The following ZFHX3 variants were observed in gnomAD, a reference collection of about 807,000 sequenced individuals.
The protein encoded by ZFHX3 is zinc finger homeobox 3.
ZFHX3 carries 42 observed loss-of-function variants against 279.1 expected under a neutral mutation model. That is an observed-to-expected ratio of 0.15 (90% CI 0.12 to 0.19). ZFHX3 has a LOEUF of 0.19. Ranked by LOEUF, ZFHX3 falls within the 10% of genes least tolerant of loss-of-function variation. The pLI is 1.00. For synonymous variants in ZFHX3, 2,293 were observed against 1,957.8 expected, an observed-to-expected ratio of 1.17 and a Z score of -4.52; for missense variants, 4,981 against 4,754.0, an observed-to-expected ratio of 1.05 and a Z score of -1.40.
intron 1 of ZFHX3, among the ~76,000 whole-genome samples, chr16:73,030,364 G>T (rs545033034): frequency 6.6e-6 from 1 of 152,352 alleles, no homozygotes; most frequent in East Asian, 1.9e-4. Flanking sequence ...TACCAGATAA[G>T]CAAGGCAAGT....
chr16:72,914,335 T>A (rs1415952856), intron 3 of ZFHX3, among the ~76,000 whole-genome samples: 2 of 152,106 alleles, frequency 1.3e-5, no homozygotes, highest in Non-Finnish European at 2.9e-5. Flanking sequence ...AGGACCTCCC[T>A]CTCTACAAAC....
chr16:72,882,191 T>G (rs1272020483), intron 4 of ZFHX3, among the ~76,000 whole-genome samples: 1 of 86,414 alleles, frequency 1.2e-5, no homozygotes, highest in African/African-American at 4.6e-5. Flanking sequence ...TTTTTTTTTT[T>G]GCTGTGCCAA....
At chr16:73,636,861 C>A (rs2052531340) in intron 2 of ZFHX3, among the ~76,000 whole-genome samples, 1 of 151,850 alleles carries the variant, frequency 6.6e-6, no homozygotes, top group Non-Finnish European at 1.5e-5. Flanking sequence ...AGTATCACTA[C>A]AATAAAAATC....
At chr16:73,231,251 T>C (rs1198317791) in intron 5 of ZFHX3, among the ~76,000 whole-genome samples, 1 of 152,212 alleles carries the variant, frequency 6.6e-6, no homozygotes, top group Admixed American at 6.5e-5. Context: ...AAGAGGCGCT[T>C]GCAGGAGAAA....
intron 4 of ZFHX3, among the ~76,000 whole-genome samples, chr16:73,261,645 T>C (rs1472274709): frequency 1.5e-4 from 22 of 148,280 alleles, no homozygotes; most frequent in Admixed American, 1.2e-3. Context: ...TTCCTTTGTA[T>C]AAATATAAAC....
At chr16:72,899,709 T>C (rs1157919198) in intron 3 of ZFHX3, among the ~76,000 whole-genome samples, 2 of 152,146 alleles carry the variant, frequency 1.3e-5, no homozygotes, top group Non-Finnish European at 2.9e-5. Context: ...CATACACTGT[T>C]GGGTCTCGGT....
rs2144075063 is a variant in ZFHX3 at position 72,889,867 on chromosome 16, G to C, written c.3312C>G (p.Ile1104Met). The change falls in exon 4 of 10, where the codon ATC becomes ATG. Residue 1104 changes from isoleucine (I) to methionine (M), a missense_variant. By Grantham distance (10) the Ile-to-Met change is conservative. Transcript: ENST00000268489. The stretch of plus-strand genomic sequence containing the variant: ...GGTGCTTCATGGAGCGCACATGCTG[G>C]ATGAGGTTGAGCTTGGCCTTGGTGG... ...NYSTKAKLNLIQHVRSMKHQR... is the reference protein window; with the variant it reads ...NYSTKAKLNLMQHVRSMKHQR... The C allele has an allele frequency of 1.2e-6, 2 of 1,614,190 alleles. No homozygotes were observed.
intron 3 of ZFHX3, among the ~76,000 whole-genome samples, chr16:73,365,841 G>A (rs1291931918): frequency 6.6e-6 from 1 of 152,186 alleles, no homozygotes; most frequent in Non-Finnish European, 1.5e-5. Context: ...CCAGGTGCAG[G>A]CAAGAGGAAT....
chr16:73,070,934 G>A (rs1485125003), intron 8 of ZFHX3, among the ~76,000 whole-genome samples: 1,341 of 69,222 alleles, frequency 0.019, 45 homozygotes, highest in African/African-American at 0.073. Flanking sequence ...GCGCGCGCGC[G>A]CGCGCACACA....
chr16:73,315,611 A>AT (rs1213605795), intron 4 of ZFHX3, among the ~76,000 whole-genome samples: 1 of 152,210 alleles, frequency 6.6e-6, no homozygotes, highest in Non-Finnish European at 1.5e-5. Context: ...TGAAAAAAAA[A>AT]GACATTGAAA....
intron 3 of ZFHX3, among the ~76,000 whole-genome samples, chr16:73,335,222 T>C (rs2015889477): frequency 6.6e-6 from 1 of 152,184 alleles, no homozygotes. Context: ...TGCTAGGCCC[T>C]GGGTTTTTCC....
At chr16:73,854,370 T>C (rs1961666246) in intron 1 of ZFHX3, among the ~76,000 whole-genome samples, 1 of 151,750 alleles carries the variant, frequency 6.6e-6, no homozygotes, top group Admixed American at 6.6e-5. Flanking sequence ...TACTAAAAAA[T>C]ACAAAAATTA....
intron 4 of ZFHX3, among the ~76,000 whole-genome samples, chr16:73,296,009 G>T (rs115078084): frequency 0.031 from 4,643 of 152,166 alleles, 240 homozygotes; most frequent in African/African-American, 0.11. Context: ...TAATGGTTCA[G>T]CCACAGTCCA....
intron 5 of ZFHX3, among the ~76,000 whole-genome samples, chr16:73,208,448 A>G (rs370515302): frequency 5.9e-4 from 90 of 152,364 alleles, no homozygotes; most frequent in Middle Eastern, 3.4e-3. Context: ...AGGAAGAGTG[A>G]CTGAATTCTT....
intron 2 of ZFHX3, among the ~76,000 whole-genome samples, chr16:73,578,359 G>T (rs551868805): frequency 4.6e-4 from 68 of 149,206 alleles, no homozygotes; most frequent in Middle Eastern, 7.0e-3. Context: ...TAGGGCTTTT[G>T]CTCAAGTTTC....
At chr16:73,797,263 G>T (rs976954820) in intron 1 of ZFHX3, among the ~76,000 whole-genome samples, 1 of 152,144 alleles carries the variant, frequency 6.6e-6, no homozygotes, top group Non-Finnish European at 1.5e-5. Context: ...CACTGTTTAT[G>T]CAGTCCAGTT....
At position 72,892,987 on chromosome 16, in the gene ZFHX3, A is replaced by T. The variant is rs77603195; in HGVS notation, c.3217-3025T>A. Among the ~76,000 whole-genome samples, 1,085 of 152,128 alleles carry T rather than the reference A, an allele frequency of 7.1e-3. 22 individuals carry two copies. The highest frequency in any genetic ancestry group is 0.056 in the East Asian group (287 of 5,162). On this transcript the variant is annotated intron_variant, in intron 3 of 9. Transcript: ENST00000268489. ...GAGCTAGCCCACGTCCCTTCCCCCAACTACTCCCCGAGGCCCCTCAGAACT... is the reference window on the plus strand; with the variant it reads ...GAGCTAGCCCACGTCCCTTCCCCCATCTACTCCCCGAGGCCCCTCAGAACT...
chr16:72,814,202 C>CGCA (rs2036541145), intron 5 of ZFHX3, among the ~76,000 whole-genome samples: 1 of 152,138 alleles, frequency 6.6e-6, no homozygotes, highest in African/African-American at 2.4e-5. Context: ...GCTATCTGCT[C>CGCA]CTCTTTCCAG....
chr16:73,436,665 T>C (rs565581089), intron 3 of ZFHX3, among the ~76,000 whole-genome samples: 1 of 152,102 alleles, frequency 6.6e-6, no homozygotes, highest in East Asian at 1.9e-4. Flanking sequence ...CAAGAAGCCA[T>C]GAATTCTGCT....
Sources: gnomAD v4.1 joint callset for allele counts (sites outside exome capture counted in the v4.1 genomes callset) on GRCh38, gnomAD v4.1.1 for gene constraint, MANE v1.5 for transcripts, NCBI Gene and HGNC (gene_info 2026-07-23, HGNC 2026-07-21) for gene names.